The following BMPER variants were observed in gnomAD, a reference collection of about 807,000 sequenced individuals.
BMPER encodes BMP binding endothelial regulator, also known as BMP-binding endothelial regulator protein.
A neutral mutation model predicts 87.3 loss-of-function variants in BMPER; 45 were observed. That is an observed-to-expected ratio of 0.52 (90% CI 0.41 to 0.66). The LOEUF (loss-of-function observed/expected upper bound fraction) is 0.66. Ranked by LOEUF, BMPER falls within the 30% of genes least tolerant of loss-of-function variation. The pLI is 0.00. For synonymous variants in BMPER, 326 were observed against 316.2 expected (o/e 1.03, Z -0.33); for missense variants, 784 against 867.5 (o/e 0.90, Z 1.21).
rs541603763 is a variant in BMPER, at chr7:33,913,588, T to C, written c.219+6685T>C. Among the ~76,000 whole-genome samples, 45 of 152,342 alleles carry C rather than the reference T, an allele frequency of 3.0e-4. 1 individual carries two copies. The South Asian group carries it at 9.3e-3, about 32-fold the overall frequency. On this transcript the variant is annotated intron_variant, in intron 2 of 14. Coordinates refer to ENST00000649409, the MANE Select transcript of BMPER (RefSeq NM_001365308.1). ...CCAATGTTGCCCGGTCTTTTGAATT[T>C]CTTTGACTACATTCCAGTTCTAGAG... is the stretch of plus-strand genomic sequence containing the variant.
intron 12 of BMPER, among the ~76,000 whole-genome samples, chr7:34,084,739 C>A (rs1477147714): frequency 6.6e-6 from 1 of 152,226 alleles, no homozygotes; most frequent in Admixed American, 6.5e-5. Context: ...TCAGATGTAT[C>A]TATGCTGTGT....
At chr7:34,109,752 C>T (rs989602042) in intron 13 of BMPER, among the ~76,000 whole-genome samples, 2 of 152,188 alleles carry the variant, frequency 1.3e-5, no homozygotes, top group Non-Finnish European at 2.9e-5. Flanking sequence ...TGCTGCGAAC[C>T]TTGTTTGAGA....
chr7:34,107,470 C>G (rs1011085753), intron 13 of BMPER, among the ~76,000 whole-genome samples: 1 of 152,174 alleles, frequency 6.6e-6, no homozygotes, highest in Non-Finnish European at 1.5e-5. Context: ...GAGAGTAGCT[C>G]TGACTAACAT....
At chr7:33,973,335 G>A (rs903370130) in intron 5 of BMPER, among the ~76,000 whole-genome samples, 2 of 152,176 alleles carry the variant, frequency 1.3e-5, no homozygotes, top group African/African-American at 4.8e-5. Flanking sequence ...CAGCCACTAG[G>A]AGGGCCCCAC....
chr7:34,039,171 G>A (rs759638368), intron 6 of BMPER, among the ~76,000 whole-genome samples: 28 of 152,186 alleles, frequency 1.8e-4, no homozygotes, highest in Non-Finnish European at 3.5e-4. Flanking sequence ...CATGTTAGAA[G>A]CTATGATGTG....
At chr7:34,126,290 G>T (rs999742299) in intron 13 of BMPER, among the ~76,000 whole-genome samples, 3 of 152,198 alleles carry the variant, frequency 2.0e-5, no homozygotes, top group African/African-American at 7.2e-5. Flanking sequence ...TAGTGAGCTA[G>T]GGCTTCTAAA....
chr7:34,092,842 A>T (rs1278296265), intron 13 of BMPER, among the ~76,000 whole-genome samples: 1 of 152,264 alleles, frequency 6.6e-6, no homozygotes, highest in Admixed American at 6.5e-5. Flanking sequence ...TCCAAGTCTA[A>T]AATCCTCTTA....
At chr7:34,125,894 A>C (rs1048155236) in intron 13 of BMPER, among the ~76,000 whole-genome samples, 1 of 152,202 alleles carries the variant, frequency 6.6e-6, no homozygotes, top group African/African-American at 2.4e-5. Flanking sequence ...TTTCCTCTGA[A>C]ATGTATCCAA....
intron 2 of BMPER, among the ~76,000 whole-genome samples, chr7:33,918,574 T>A (rs1374676497): frequency 6.6e-6 from 1 of 152,216 alleles, no homozygotes; most frequent in Non-Finnish European, 1.5e-5. Flanking sequence ...AGCAGTGTTT[T>A]TTTTGGTCTC....
At chr7:33,908,449 C>T (rs891712211) in intron 2 of BMPER, among the ~76,000 whole-genome samples, 6 of 152,074 alleles carry the variant, frequency 3.9e-5, no homozygotes, top group African/African-American at 1.5e-4. Flanking sequence ...CCACAGCATT[C>T]CCCCCTTTTC....
intron 2 of BMPER, among the ~76,000 whole-genome samples, chr7:33,922,813 A>G (rs996451504): frequency 1.3e-5 from 2 of 152,168 alleles, no homozygotes; most frequent in Admixed American, 1.3e-4. Flanking sequence ...GGTGGGGGTT[A>G]GTAAATATTT....
At chr7:33,918,969 G>A (rs77991614) in intron 2 of BMPER, among the ~76,000 whole-genome samples, 2,068 of 152,218 alleles carry the variant, frequency 0.014, 20 homozygotes, top group Non-Finnish European at 0.024. Context: ...TCTGTTGGAG[G>A]AACCAGCCCT....
intron 13 of BMPER, among the ~76,000 whole-genome samples, chr7:34,089,172 AATTTATTTT>A (rs1172060508): frequency 6.6e-6 from 1 of 152,134 alleles, no homozygotes; most frequent in African/African-American, 2.4e-5. Flanking sequence ...AAGACTCAAA[AATTTATTTT>A]ATTTTCCCCC....
chr7:34,060,590 C>T (rs1441039476), intron 10 of BMPER, among the ~76,000 whole-genome samples: 1 of 152,210 alleles, frequency 6.6e-6, no homozygotes, highest in East Asian at 1.9e-4. Context: ...AAAAACAAAT[C>T]AGACCTGATT....
chr7:34,033,362 A>ATTGAGTTATTTGTTTATATCG (rs1787580023), intron 6 of BMPER, among the ~76,000 whole-genome samples: 1 of 152,202 alleles, frequency 6.6e-6, no homozygotes, highest in Non-Finnish European at 1.5e-5. Flanking sequence ...GATTATGCAC[A>ATTGAGTTATTTGTTTATATCG]TTGAGTTATT....
chr7:34,144,455 G>T (rs1386189901), intron 14 of BMPER, among the ~76,000 whole-genome samples: 1 of 150,282 alleles, frequency 6.7e-6, no homozygotes, highest in Non-Finnish European at 1.5e-5. Flanking sequence ...ACTAGATAGA[G>T]AATAAATTGG....
rs142904612 is a variant in BMPER, at chr7:34,073,328, C to T, written c.1079-5529C>T. On this transcript the variant is annotated intron_variant, in intron 11 of 14. Transcript: ENST00000649409. ...TCATAGAGTGCACTTATACACAAAC[C>T]TAGGCTAAATGGCACACCCTATTGC... 1.8e-3 allele frequency among the ~76,000 whole-genome samples: 269 copies of T among 152,288 alleles called. 1 individual carries two copies. The highest frequency in any genetic ancestry group is 2.4e-3 in the Non-Finnish European group (166 of 68,036).
At chr7:34,108,870 G>A (rs574615582) in intron 13 of BMPER, among the ~76,000 whole-genome samples, 1 of 152,186 alleles carries the variant, frequency 6.6e-6, no homozygotes, top group Non-Finnish European at 1.5e-5. Context: ...CCCTAACATA[G>A]GCTACCAGGT....
At chr7:33,947,785 G>T (rs752283607) in intron 3 of BMPER, among the ~76,000 whole-genome samples, 1 of 152,064 alleles carries the variant, frequency 6.6e-6, no homozygotes, top group Non-Finnish European at 1.5e-5. Context: ...GTTGCCTTTT[G>T]TATAGTATAA....
Sources: gnomAD v4.1 joint callset for allele counts (sites outside exome capture counted in the v4.1 genomes callset) on GRCh38, gnomAD v4.1.1 for gene constraint, MANE v1.5 for transcripts, NCBI Gene and HGNC (gene_info 2026-07-23, HGNC 2026-07-21) for gene names.